PLXNB1: variants seen among roughly 807,000 people sequenced by gnomAD.
The protein encoded by PLXNB1 is plexin-B1.
In PLXNB1, 106 loss-of-function variants were observed where a neutral mutation model predicts 209.4. The observed-to-expected ratio is 0.51, with a 90% CI of 0.43 to 0.59. The LOEUF (loss-of-function observed/expected upper bound fraction) is 0.59. PLXNB1 is among the 20% of genes least tolerant of loss of function. The pLI is 0.00. For missense variants in PLXNB1, 2,357 were observed against 2,853.2 expected, an observed-to-expected ratio of 0.83 and a Z score of 3.96; for synonymous variants, 1,167 against 1,183.2, an observed-to-expected ratio of 0.99 and a Z score of 0.28.
chr3:48,428,241 C>T (rs2107046902), intron 1 of PLXNB1, among the ~76,000 whole-genome samples: 1 of 152,294 alleles, frequency 6.6e-6, no homozygotes, highest in Non-Finnish European at 1.5e-5. Flanking sequence ...TTATTAATGA[C>T]CAGGCCAGGG....
Position 48,417,679 on chromosome 3 carries a change from T to TG in PLXNB1, c.3374+231dup, listed in dbSNP as rs1450005225. 6.6e-6 allele frequency among the ~76,000 whole-genome samples: 1 copy of TG among 152,196 alleles called. No homozygotes were observed. Among genetic ancestry groups the TG allele is most frequent in the Non-Finnish European group, 1.5e-5 (1 of 68,036 alleles). ...AGGAAGCAGAGCCACGAGTCAGTTC[T>TG]GGGCAGTGACGGGCCCAGGAAGGAT... On this transcript the variant is annotated intron_variant, in intron 16 of 37. Transcript: ENST00000296440. This position sits in a 1 kb window ranked among gnomAD's most constrained non-coding sequence, Gnocchi z 4.4.
chr3:48,412,351 C>T (rs772164461), intron 26 of PLXNB1, 47 bp from the exon 27 acceptor site: 11 of 1,611,144 alleles, frequency 6.8e-6, no homozygotes, highest in South Asian at 2.2e-5. Flanking sequence ...GGTGGGGCTG[C>T]GGGCCTCTCT....
Position 48,416,996 on chromosome 3 carries a change from G to A in PLXNB1, c.3375-545C>T, listed in dbSNP as rs1203671639. 6.6e-6 allele frequency among the ~76,000 whole-genome samples: 1 copy of A among 152,214 alleles called. No homozygotes were observed. Among genetic ancestry groups the A allele is most frequent in the African/African-American group, 2.4e-5 (1 of 41,438 alleles). Reference sequence around the variant, plus strand: ...CTTCCAGAGTGTTAAGCCTGCAGTGGCTCAACTCAGTGACATTGTCACAGT... The same window carrying A: ...CTTCCAGAGTGTTAAGCCTGCAGTGACTCAACTCAGTGACATTGTCACAGT... On this transcript the variant is annotated intron_variant, in intron 16 of 37. Coordinates refer to ENST00000296440, the MANE Select transcript of PLXNB1 (RefSeq NM_001130082.3). The surrounding 1 kb of genome is among the most constrained non-coding windows in gnomAD (Gnocchi z 4.1).
In PLXNB1 at chr3:48,421,482, A is replaced by G. The variant is rs2038514577; in HGVS notation, c.1654-98T>C. On this transcript the variant is annotated intron_variant, in intron 7 of 37. Transcript: ENST00000296440. ...CAATGTGGGCAGGCACCAGCAATCA[A>G]CAGCCCTCAGGCCTCCCCAAACACC... 6 of 1,368,714 alleles carry G rather than the reference A, an allele frequency of 4.4e-6. No homozygotes were observed. In the South Asian group the frequency reaches 7.1e-5, roughly 16 times the overall value. The allele number at this position is 1,368,714 out of a possible 1,614,324, so 84.8% of individuals were successfully genotyped here.
In PLXNB1 at chr3:48,412,955, G is replaced by A. The variant is rs2037796219; in HGVS notation, c.4641C>T (p.Leu1547=). 3.1e-6 allele frequency: 5 copies of A among 1,613,980 alleles called. No individual in the cohort carries two copies. Among genetic ancestry groups the A allele is most frequent in the African/African-American group, 2.7e-5 (2 of 74,948 alleles). Residue 1547 remains leucine (L), a synonymous_variant, in exon 25 of 38, where the codon CTC becomes CTT. Coordinates refer to ENST00000296440, the MANE Select transcript of PLXNB1 (RefSeq NM_001130082.3). ...TGGTGAGATCGGTCATCTCAGTCATGAGGTCTGTTAAGCAGAAGAGGCCAG... is the reference window on the plus strand; with the variant it reads ...TGGTGAGATCGGTCATCTCAGTCATAAGGTCTGTTAAGCAGAAGAGGCCAG... The part of the protein sequence containing the change: ...RDRCKKEFTD[L]MTEMTDLTSD...
chr3:48,414,741 T>G, intron 21 of PLXNB1, 58 bp downstream of exon 21: 1 of 1,583,900 alleles, frequency 6.3e-7, no homozygotes. Flanking sequence ...CACACAGCAG[T>G]GCTGTCCAGC....
At position 48,415,213 on chromosome 3, in the gene PLXNB1, G is replaced by A. The variant is rs377336537; in HGVS notation, c.3929C>T (p.Thr1310Met). 29 of 1,613,352 alleles carry A rather than the reference G, an allele frequency of 1.8e-5. No individual in the cohort carries two copies. The African/African-American group carries it at 1.9e-4, about 10-fold the overall frequency. ...GCAGGAGGGTCCAAGGGAACATGCC[G>A]TCTCCGGGACCACGCGACGCCTCCG... The part of the protein sequence containing the change: ...LGRRRRVVPE[T>M]ACSLGPSCSS... The change falls in exon 20 of 38, where the codon ACG becomes ATG. Residue 1310 changes from threonine (T) to methionine (M), a missense_variant. By Grantham distance (81) the Thr-to-Met change is moderately conservative. Coordinates refer to ENST00000296440, the MANE Select transcript of PLXNB1 (RefSeq NM_001130082.3). This position sits in a 1 kb window ranked among gnomAD's most constrained non-coding sequence, Gnocchi z 5.0.
At position 48,420,222 on chromosome 3, in the gene PLXNB1, A is replaced by C. The variant is rs1224710673; in HGVS notation, c.2064T>G (p.Gly688=). The C allele has an allele frequency of 6.4e-7, 1 of 1,552,212 alleles. No homozygotes were observed. The highest frequency in any genetic ancestry group is 8.7e-7 in the Non-Finnish European group (1 of 1,148,496). The change falls in exon 11 of 38, where the codon GGT becomes GGG. Residue 688 remains glycine, a synonymous_variant. Coordinates refer to ENST00000296440, the MANE Select transcript of PLXNB1 (RefSeq NM_001130082.3). ...PLVSPDPPAR[G]GPSPSPPTAP... ...CTGTGGGTGGGGAGGGGCTGGGTCC[A>C]CCTCTTGCAGGAGGGTCTGGGGAGA... is the stretch of plus-strand genomic sequence containing the variant.
intron 10 of PLXNB1, 33 bp from the exon 11 acceptor site, chr3:48,420,290 C>T (rs1290379446): frequency 3.6e-6 from 5 of 1,375,098 alleles, no homozygotes; most frequent in Non-Finnish European, 5.0e-6. Flanking sequence ...ACAGGAAGGG[C>T]CACTCAGCAG....
chr3:48,426,217 AT>A (rs1480263981), intron 1 of PLXNB1, among the ~76,000 whole-genome samples: 1 of 152,168 alleles, frequency 6.6e-6, no homozygotes, highest in Non-Finnish European at 1.5e-5. Context: ...TCCCAGGCCC[AT>A]CCCCAGGACC....
Position 48,413,267 on chromosome 3 carries a change from A to G in PLXNB1, c.4536-98T>C. 1 of 927,976 alleles carries G rather than the reference A, an allele frequency of 1.1e-6. No individual in the cohort carries two copies. Among genetic ancestry groups the G allele is most frequent in the Non-Finnish European group, 1.7e-6 (1 of 580,922 alleles). The allele number at this position is 927,976 out of a possible 1,614,324, so 57.5% of individuals were successfully genotyped here. A position where few individuals can be genotyped will look rare whatever the true frequency, so the allele number is the denominator to read the frequency against. On this transcript the variant is annotated intron_variant, in intron 23 of 37. Coordinates refer to ENST00000296440, the MANE Select transcript of PLXNB1 (RefSeq NM_001130082.3). This position sits in a 1 kb window ranked among gnomAD's most constrained non-coding sequence, Gnocchi z 5.4. ...GGCACACCCCGGCCTCATCCAGCACAGTCCAATGCAGCCATGCCAGCCAAG... is the reference window on the plus strand; with the variant it reads ...GGCACACCCCGGCCTCATCCAGCACGGTCCAATGCAGCCATGCCAGCCAAG...
chr3:48,420,662 C>A lies in PLXNB1; in HGVS notation c.2028+3G>T. 6.2e-7 allele frequency: 1 copy of A among 1,612,448 alleles called. No homozygotes were observed. The highest frequency in any genetic ancestry group is 1.1e-5 in the South Asian group (1 of 91,026). ...GTATGGCCCAGCCCAAAGTCACACT[C>A]ACCTGATGGCTTGCAACCATGGGCC... is the stretch of plus-strand genomic sequence containing the variant. On this transcript the variant is annotated splice_donor_region_variant and intron_variant, in intron 10 of 37. Transcript: ENST00000296440.
rs1348365091 is a variant in PLXNB1 at position 48,409,338 on chromosome 3, C to G, written c.6078G>C (p.Lys2026Asn). Residue 2026 changes from lysine to asparagine, a missense_variant, in exon 34 of 38, where the codon AAG (lysine) becomes AAC (asparagine). By Grantham distance (94) the Lys-to-Asn change is moderately conservative. Around this residue, in one of 7 missense-constraint regions of PLXNB1, gnomAD observed 414 missense variants for 520.5 expected, o/e 0.80. Transcript: ENST00000296440. The surrounding 1 kb of genome is among the most constrained non-coding windows in gnomAD (Gnocchi z 5.8). ...FMDACTLADH[K>N]LGRDSPINKL... ...TCCCAGACTCGCTCACCCGGCCCAG[C>G]TTGTGGTCGGCCAGGGTGCAGGCGT... 6.2e-7 allele frequency: 1 copy of G among 1,614,156 alleles called. No individual in the cohort carries two copies. The highest frequency in any genetic ancestry group is 8.5e-7 in the Non-Finnish European group (1 of 1,180,030).
chr3:48,425,937 A>T (rs1448548456), intron 1 of PLXNB1, among the ~76,000 whole-genome samples: 3 of 152,068 alleles, frequency 2.0e-5, no homozygotes, highest in Admixed American at 6.6e-5. Flanking sequence ...ATCCATATAG[A>T]GACAACTCCC....
intron 10 of PLXNB1, 32 bp downstream of exon 10, chr3:48,420,633 C>G (rs367792189): frequency 1.9e-6 from 3 of 1,565,656 alleles, no homozygotes; most frequent in East Asian, 4.5e-5. Flanking sequence ...CCCCAACCCC[C>G]CCGGTATGGC....
At chr3:48,414,211 T>C (rs1464901087) in intron 21 of PLXNB1, 140 bp from the exon 22 acceptor site, 4 of 718,496 alleles carry the variant, frequency 5.6e-6, no homozygotes, top group Non-Finnish European at 9.6e-6. Context: ...TGCAGGCCAG[T>C]CACACGGTGT....
In PLXNB1 at chr3:48,418,385, G is replaced by C. The variant is rs777912250; in HGVS notation, c.3050-22C>G. ...ACCACTGGGGGTGGCAGAGACACAC[G>C]TGAGAGGCAGGCCTGGGAGAGCCCT... is the stretch of plus-strand genomic sequence containing the variant. On this transcript the variant is annotated intron_variant, in intron 14 of 37. Coordinates refer to ENST00000296440, the MANE Select transcript of PLXNB1 (RefSeq NM_001130082.3). The surrounding 1 kb of genome is among the most constrained non-coding windows in gnomAD (Gnocchi z 6.6). The C allele has an allele frequency of 5.0e-6, 8 of 1,613,452 alleles. No homozygotes were observed. Among genetic ancestry groups the C allele is most frequent in the Non-Finnish European group, 6.8e-6 (8 of 1,180,002 alleles).
In PLXNB1 at chr3:48,419,662, G is replaced by A. The variant is rs200094762; in HGVS notation, c.2624C>T (p.Ser875Leu). 1 of 1,612,602 alleles carries A rather than the reference G, an allele frequency of 6.2e-7. No individual in the cohort carries two copies. The highest frequency in any genetic ancestry group is 2.2e-5 in the East Asian group (1 of 44,866). Residue 875 changes from serine to leucine, a missense_variant, in exon 11 of 38, where the codon TCA becomes TTA. By Grantham distance (145) the Ser-to-Leu change is moderately radical. Around this residue, in one of 7 missense-constraint regions of PLXNB1, gnomAD observed 410 missense variants for 401.0 expected, o/e 1.02. Transcript: ENST00000296440. This position sits in a 1 kb window ranked among gnomAD's most constrained non-coding sequence, Gnocchi z 5.7. ...TSTLLSGDGD[S>L]AELEGPPAPL... Reference sequence around the variant, plus strand: ...GGCGGGAGGGCCCTCAAGCTCTGCTGAGTCTCCATCACCTGAGAGGAGGGT... The same window carrying A: ...GGCGGGAGGGCCCTCAAGCTCTGCTAAGTCTCCATCACCTGAGAGGAGGGT...
chr3:48,419,154 C>A lies in PLXNB1; in HGVS notation c.2832+90G>T. The A allele has an allele frequency of 1.3e-6, 2 of 1,557,598 alleles. No homozygotes were observed. The highest frequency in any genetic ancestry group is 1.7e-6 in the Non-Finnish European group (2 of 1,146,696). The stretch of plus-strand genomic sequence containing the variant: ...TCTGGGTTGGAGTTGAGCCCTCGGA[C>A]TCTGCCCTCCTCCTGCTCCCCAGGG... On this transcript the variant is annotated intron_variant, in intron 12 of 37. Transcript: ENST00000296440. The surrounding 1 kb of genome is among the most constrained non-coding windows in gnomAD (Gnocchi z 5.7).
Sources: gnomAD v4.1 joint callset for allele counts (sites outside exome capture counted in the v4.1 genomes callset) on GRCh38, gnomAD v4.1.1 for gene constraint, gnomAD v4.1.1 regional missense constraint, Gnocchi (gnomAD v3.1) non-coding constraint, MANE v1.5 for transcripts, NCBI Gene and HGNC (gene_info 2026-07-23, HGNC 2026-07-21) for gene names.